Variants in RNF169 observed in about 807,000 individuals in gnomAD.
RNF169 encodes the protein E3 ubiquitin-protein ligase RNF169.
A neutral mutation model predicts 53.9 loss-of-function variants in RNF169; 24 were observed. The observed-to-expected ratio is 0.45, with a 90% CI of 0.32 to 0.63. The LOEUF is 0.63. RNF169 is among the 20% of genes least tolerant of loss of function. RNF169 has a pLI of 0.04. For missense variants in RNF169, 883 were observed against 906.2 expected (o/e 0.97, Z 0.33); for synonymous variants, 396 against 363.5 (o/e 1.09, Z -1.02).
chr11:74,783,991 G>A (rs903449600), intron 1 of RNF169, among the ~76,000 whole-genome samples: 7 of 152,084 alleles, frequency 4.6e-5, no homozygotes, highest in Non-Finnish European at 8.8e-5. Flanking sequence ...TGATTTAAAA[G>A]GGGGAGATCT....
intron 1 of RNF169, among the ~76,000 whole-genome samples, chr11:74,776,951 G>T (rs537661349): frequency 5.7e-4 from 87 of 152,256 alleles, no homozygotes; most frequent in African/African-American, 1.9e-3. Context: ...TACAAATCTT[G>T]GAGGCAGTGG....
chr11:74,826,550 C>T (rs905461664), intron 4 of RNF169, among the ~76,000 whole-genome samples: 9 of 152,188 alleles, frequency 5.9e-5, no homozygotes, highest in African/African-American at 2.2e-4. Flanking sequence ...CTTTTCAAAA[C>T]ACAATCAAGC....
At chr11:74,766,259 C>G (rs1330969189) in intron 1 of RNF169, among the ~76,000 whole-genome samples, 1 of 152,104 alleles carries the variant, frequency 6.6e-6, no homozygotes, top group African/African-American at 2.4e-5. Context: ...CAAAGCAATA[C>G]CACCGCGTGG....
At chr11:74,804,851 T>C (rs929658355) in intron 2 of RNF169, among the ~76,000 whole-genome samples, 2 of 152,192 alleles carry the variant, frequency 1.3e-5, no homozygotes, top group Non-Finnish European at 2.9e-5. Flanking sequence ...TAAAGAACTC[T>C]TGCTAATCTA....
At chr11:74,773,651 C>T (rs934866831) in intron 1 of RNF169, among the ~76,000 whole-genome samples, 1 of 152,096 alleles carries the variant, frequency 6.6e-6, no homozygotes, top group African/African-American at 2.4e-5. Flanking sequence ...TGAAATTTTT[C>T]ACTAAATACT....
At chr11:74,777,165 C>T (rs995222615) in intron 1 of RNF169, among the ~76,000 whole-genome samples, 3 of 152,160 alleles carry the variant, frequency 2.0e-5, no homozygotes, top group African/African-American at 7.2e-5. Context: ...AAGTGCTACT[C>T]CCATTTTATG....
At chr11:74,809,002 A>G (rs2035839686) in intron 2 of RNF169, among the ~76,000 whole-genome samples, 1 of 152,156 alleles carries the variant, frequency 6.6e-6, no homozygotes, top group Non-Finnish European at 1.5e-5. Context: ...GAATTAGACT[A>G]ATATTTTAAA....
At chr11:74,773,137 C>G (rs1641840010) in intron 1 of RNF169, among the ~76,000 whole-genome samples, 1 of 152,106 alleles carries the variant, frequency 6.6e-6, no homozygotes, top group African/African-American at 2.4e-5. Flanking sequence ...TCCTGAAATG[C>G]CGAGACCTGG....
At chr11:74,764,264 T>C (rs2035136545) in intron 1 of RNF169, among the ~76,000 whole-genome samples, 1 of 152,254 alleles carries the variant, frequency 6.6e-6, no homozygotes, top group African/African-American at 2.4e-5. Flanking sequence ...CTGGGTGCGG[T>C]AGCGCACGCC....
At chr11:74,776,746 G>GT (rs2035341939) in intron 1 of RNF169, among the ~76,000 whole-genome samples, 1 of 152,162 alleles carries the variant, frequency 6.6e-6, no homozygotes, top group Non-Finnish European at 1.5e-5. Context: ...AGTGAACAGG[G>GT]TTTTGAAGTA....
rs2135162269 is a variant in RNF169, at chr11:74,839,797, A to G, written c.*3067A>G. On this transcript the variant is annotated 3_prime_UTR_variant, in exon 6 of 6. Coordinates refer to ENST00000299563, the MANE Select transcript of RNF169 (RefSeq NM_001098638.2). Reference sequence around the variant, plus strand: ...TTGATTGTATCTGCTGGAAGAAGTCATCTGGGCCTGTTGGGTTGGTATCAG... The same window carrying G: ...TTGATTGTATCTGCTGGAAGAAGTCGTCTGGGCCTGTTGGGTTGGTATCAG... The G allele has an allele frequency of 6.6e-6, 1 of 152,276 alleles. No individual in the cohort carries two copies. The highest frequency in any genetic ancestry group is 2.1e-4 in the South Asian group (1 of 4,828). The allele number at this position is 152,276 out of a possible 1,614,324, so 9.4% of individuals were successfully genotyped here.
chr11:74,807,816 C>G (rs1282618921), intron 2 of RNF169: 3 of 152,150 alleles, frequency 2.0e-5, no homozygotes, highest in African/African-American at 7.2e-5. Flanking sequence ...TAAAAACTCT[C>G]TTCTAGAGAC....
intron 2 of RNF169, among the ~76,000 whole-genome samples, chr11:74,795,734 G>A (rs981983433): frequency 6.6e-6 from 1 of 151,916 alleles, no homozygotes; most frequent in African/African-American, 2.4e-5. Flanking sequence ...GCACATGCCT[G>A]TAGTCCTAGC....
chr11:74,754,095 G>A (rs1041812859), intron 1 of RNF169, among the ~76,000 whole-genome samples: 2 of 152,054 alleles, frequency 1.3e-5, no homozygotes, highest in African/African-American at 4.8e-5. Context: ...CAATATTCAG[G>A]AATTATGTAA....
chr11:74,828,648 C>G (rs115911604), intron 4 of RNF169, among the ~76,000 whole-genome samples: 3,456 of 152,142 alleles, frequency 0.023, 150 homozygotes, highest in African/African-American at 0.079. Flanking sequence ...CAAGAACAGA[C>G]AGACCAATGG....
Position 74,821,458 on chromosome 11 carries a change from A to G in RNF169, c.842+3744A>G, listed in dbSNP as rs2036008922. On this transcript the variant is annotated intron_variant, in intron 4 of 5. Transcript: ENST00000299563. ...CGGATCACGAGGTCAGGAGATCGAG[A>G]CCATCCCGGCTAAAATGGTGAAACC... 1.6e-5 allele frequency among the ~76,000 whole-genome samples: 2 copies of G among 124,102 alleles called. 1 individual carries two copies. The highest frequency in any genetic ancestry group is 3.2e-5 in the Non-Finnish European group (2 of 63,394). The allele number at this position is 124,102 out of a possible 152,430, so 81.4% of individuals were successfully genotyped here. A position where few individuals can be genotyped will look rare whatever the true frequency, so the allele number is the denominator to read the frequency against.
At chr11:74,804,162 G>C (rs1224662584) in intron 2 of RNF169, among the ~76,000 whole-genome samples, 1 of 152,090 alleles carries the variant, frequency 6.6e-6, no homozygotes, top group African/African-American at 2.4e-5. Flanking sequence ...AGGCGAATTG[G>C]CATGTCTACA....
intron 2 of RNF169, among the ~76,000 whole-genome samples, chr11:74,807,349 T>G (rs2035820320): frequency 6.6e-6 from 1 of 152,200 alleles, no homozygotes; most frequent in Admixed American, 6.5e-5. Context: ...ACATTTCATA[T>G]ACCTGTAGCC....
intron 1 of RNF169, among the ~76,000 whole-genome samples, chr11:74,783,883 T>G (rs2035452168): frequency 6.6e-6 from 1 of 152,216 alleles, no homozygotes; most frequent in African/African-American, 2.4e-5. Flanking sequence ...ATTAAAAATC[T>G]GGGAAACTGA....
Sources: gnomAD v4.1 joint callset for allele counts (sites outside exome capture counted in the v4.1 genomes callset) on GRCh38, gnomAD v4.1.1 for gene constraint, MANE v1.5 for transcripts, NCBI Gene and HGNC (gene_info 2026-07-23, HGNC 2026-07-21) for gene names.